Variants in CHD1 observed in about 807,000 individuals in gnomAD.
The protein encoded by CHD1 is ATP-dependent chromatin remodeler CHD1.
CHD1 carries 36 observed loss-of-function variants against 224.2 expected under a neutral mutation model. That is an observed-to-expected ratio of 0.16 (90% CI 0.12 to 0.21). The LOEUF is 0.21. Ranked by LOEUF, CHD1 falls within the 10% of genes least tolerant of loss-of-function variation. The probability of loss-of-function intolerance (pLI) is 1.00; values close to 1 mark genes in which losing one functional copy is unlikely to be tolerated. For synonymous variants in CHD1, 668 were observed against 658.3 expected (o/e 1.01, Z -0.23); for missense variants, 1,378 against 1,994.8 (o/e 0.69, Z 5.89).
chr5:98,858,352 T>C lies in CHD1; in HGVS notation c.4615A>G (p.Ser1539Gly). 2 of 1,613,124 alleles carry C rather than the reference T, an allele frequency of 1.2e-6. No individual in the cohort carries two copies. The highest frequency in any genetic ancestry group is 1.7e-6 in the Non-Finnish European group (2 of 1,179,214). Residue 1539 changes from serine (S) to glycine (G), a missense_variant, in exon 35 of 36, where the codon AGC becomes GGC. Transcript: ENST00000614616. ...TCAGAGGAATAACTGTCCCTGCTGCTATCATCGTGATTTGTATTCTCTTTT... is the reference window on the plus strand; with the variant it reads ...TCAGAGGAATAACTGTCCCTGCTGCCATCATCGTGATTTGTATTCTCTTTT... ...RLKENTNHDD[S>G]SRDSYSSDRH... is the part of the protein sequence containing the mutation.
At chr5:98,892,053 T>C (rs958709551) in intron 15 of CHD1, among the ~76,000 whole-genome samples, 3 of 152,210 alleles carry the variant, frequency 2.0e-5, no homozygotes, top group Non-Finnish European at 4.4e-5. Context: ...TAAACAGATA[T>C]TAGAACAGAT....
intron 2 of CHD1, among the ~76,000 whole-genome samples, chr5:98,909,558 A>T (rs1053392749): frequency 1.3e-5 from 2 of 152,258 alleles, no homozygotes; most frequent in Admixed American, 1.3e-4. Flanking sequence ...TCCATTAATA[A>T]GAGGCAGTAA....
intron 22 of CHD1, 31 bp from the exon 23 acceptor site, chr5:98,879,759 G>A: frequency 6.7e-7 from 1 of 1,486,632 alleles, no homozygotes; most frequent in Non-Finnish European, 9.1e-7. Flanking sequence ...AAGAGTAACT[G>A]TTACAGAAAA....
chr5:98,893,587 T>C lies in CHD1; in HGVS notation c.1820A>G (p.Asn607Ser). 6.3e-7 allele frequency: 1 copy of C among 1,598,288 alleles called. No individual in the cohort carries two copies. Among genetic ancestry groups the C allele is most frequent in the Non-Finnish European group, 8.5e-7 (1 of 1,172,978 alleles). The change falls in exon 14 of 36, where the codon AAT (asparagine) becomes AGT (serine). Residue 607 changes from asparagine (N) to serine (S), a missense_variant. Physicochemically the swap from Asn to Ser is conservative, Grantham distance 46. This residue lies in a region of CHD1 where 18 missense variants were observed against 16.1 expected (regional missense o/e 1.11). Coordinates refer to ENST00000614616, the MANE Select transcript of CHD1 (RefSeq NM_001270.4). ...TTCATCAACACCTATAAATGCCCAA[T>C]TTAGACCTCCAAGGAATGCCTTAAA... is the stretch of plus-strand genomic sequence containing the variant. ...LKDKAFLGGL[N>S]WAFIGVDEAH...
intron 28 of CHD1, 59 bp from the exon 29 acceptor site, chr5:98,870,862 G>T: frequency 1.1e-6 from 1 of 948,944 alleles, no homozygotes; most frequent in Non-Finnish European, 1.7e-6. Flanking sequence ...AAATGTACTG[G>T]CTAAAAAATG....
At chr5:98,921,113 A>G (rs1753067083) in intron 2 of CHD1, among the ~76,000 whole-genome samples, 1 of 152,258 alleles carries the variant, frequency 6.6e-6, no homozygotes, top group East Asian at 1.9e-4. Flanking sequence ...AGTGGGAATC[A>G]TAACAATGTA....
chr5:98,923,529 T>G (rs569846292), intron 2 of CHD1, among the ~76,000 whole-genome samples: 46 of 151,888 alleles, frequency 3.0e-4, no homozygotes, highest in Middle Eastern at 3.4e-3. Context: ...CAAGCAATTC[T>G]CCTGCCTCAG....
At chr5:98,904,154 A>T (rs1751898518) in intron 3 of CHD1, among the ~76,000 whole-genome samples, 1 of 152,150 alleles carries the variant, frequency 6.6e-6, no homozygotes, top group Non-Finnish European at 1.5e-5. Context: ...TCTTGATGCT[A>T]AGAGTATTAT....
rs1245369196 is a variant in CHD1 at position 98,907,331 on chromosome 5, G to A, written c.54-2233C>T. On this transcript the variant is annotated intron_variant, in intron 2 of 35. Coordinates refer to ENST00000614616, the MANE Select transcript of CHD1 (RefSeq NM_001270.4). The stretch of plus-strand genomic sequence containing the variant: ...GAGCTGGGAGCGGTGGCTCATGCCT[G>A]TAATCCCAGCACTTTGGAAGGCAGA... Among the ~76,000 whole-genome samples, 3 of 152,188 alleles carry A rather than the reference G, an allele frequency of 2.0e-5. No homozygotes were observed. The East Asian group carries it at 5.8e-4, about 29-fold the overall frequency.
chr5:98,875,439 C>T (rs1379934786), intron 24 of CHD1, among the ~76,000 whole-genome samples: 1 of 152,130 alleles, frequency 6.6e-6, no homozygotes, highest in Non-Finnish European at 1.5e-5. Context: ...AGTGTCTCCA[C>T]AATAATTATC....
chr5:98,859,526 G>A (rs1229647774), intron 33 of CHD1, among the ~76,000 whole-genome samples: 1 of 152,078 alleles, frequency 6.6e-6, no homozygotes, highest in East Asian at 1.9e-4. Flanking sequence ...GTAGCAGACA[G>A]TTATTTTATA....
chr5:98,909,952 T>G (rs1028204421), intron 2 of CHD1, among the ~76,000 whole-genome samples: 1 of 152,168 alleles, frequency 6.6e-6, no homozygotes, highest in East Asian at 1.9e-4. Flanking sequence ...TATGACAGGA[T>G]GTACCAGGCT....
chr5:98,862,213 T>C (rs936103079), intron 32 of CHD1, among the ~76,000 whole-genome samples: 1 of 152,208 alleles, frequency 6.6e-6, no homozygotes, highest in Non-Finnish European at 1.5e-5. Flanking sequence ...TATTTTGCTT[T>C]ATGGGATATT....
At chr5:98,882,191 A>G in intron 19 of CHD1, 68 bp from the exon 20 acceptor site, 1 of 1,304,260 alleles carries the variant, frequency 7.7e-7, no homozygotes, top group Non-Finnish European at 1.1e-6. Context: ...TCAAGTGCCT[A>G]AACACTGGCA....
intron 35 of CHD1, 63 bp from the exon 36 acceptor site, chr5:98,856,788 GA>G (rs1421203099): frequency 9.3e-7 from 1 of 1,072,634 alleles, no homozygotes; most frequent in Non-Finnish European, 1.3e-6. Flanking sequence ...CCAAATAAAA[GA>G]TAACTAAAAA....
intron 7 of CHD1, among the ~76,000 whole-genome samples, chr5:98,900,236 C>A (rs1427483413): frequency 1.3e-5 from 2 of 148,802 alleles, no homozygotes; most frequent in Non-Finnish European, 1.5e-5. Context: ...GAGCTGAGAC[C>A]GTGCCACTGC....
At chr5:98,885,450 C>T (rs1750585141) in intron 18 of CHD1, 128 bp downstream of exon 18, 1 of 651,550 alleles carries the variant, frequency 1.5e-6, no homozygotes. Context: ...ATTTGCTAAT[C>T]AAAGGTGGCT....
chr5:98,894,350 T>G (rs939316223), intron 13 of CHD1, among the ~76,000 whole-genome samples: 2 of 152,224 alleles, frequency 1.3e-5, no homozygotes, highest in African/African-American at 4.8e-5. Context: ...AAGAGCCAGA[T>G]AGTAAATATT....
chr5:98,922,551 G>A (rs779510896), intron 2 of CHD1, among the ~76,000 whole-genome samples: 5 of 151,694 alleles, frequency 3.3e-5, no homozygotes, highest in South Asian at 2.1e-4. Flanking sequence ...ATTCTATTCC[G>A]TTTAATAAAC....
Sources: gnomAD v4.1 joint callset for allele counts (sites outside exome capture counted in the v4.1 genomes callset) on GRCh38, gnomAD v4.1.1 for gene constraint, gnomAD v4.1.1 regional missense constraint, MANE v1.5 for transcripts, NCBI Gene and HGNC (gene_info 2026-07-23, HGNC 2026-07-21) for gene names.